Variants in WDR19 observed in about 807,000 individuals in gnomAD.
WDR19 encodes the protein WD repeat domain 19.
A neutral mutation model predicts 180.0 loss-of-function variants in WDR19; 121 were observed. That is an observed-to-expected ratio of 0.67 (90% CI 0.58 to 0.78). WDR19 has a LOEUF of 0.78. Ranked by LOEUF, WDR19 falls within the 30% of genes least tolerant of loss-of-function variation. The pLI, the probability that WDR19 is intolerant of heterozygous loss-of-function variation, is 0.00. For synonymous variants in WDR19, 497 were observed against 540.7 expected (o/e 0.92, Z 1.12); for missense variants, 1,450 against 1,640.7 (o/e 0.88, Z 2.01).
intron 4 of WDR19, among the ~76,000 whole-genome samples, chr4:39,193,201 G>A (rs557976602): frequency 3.5e-5 from 5 of 144,726 alleles, no homozygotes; most frequent in East Asian, 2.0e-4. Context: ...TCACTGTGTC[G>A]CCCAGGTTGG....
At chr4:39,268,146 C>T (rs1334747413) in intron 30 of WDR19, 55 bp downstream of exon 30, 2 of 1,466,924 alleles carry the variant, frequency 1.4e-6, no homozygotes, top group Non-Finnish European at 1.9e-6. Context: ...AATCAAGCCC[C>T]AGCCCCTTTT....
At chr4:39,236,236 G>A (rs1339656993) in intron 20 of WDR19, among the ~76,000 whole-genome samples, 2 of 152,032 alleles carry the variant, frequency 1.3e-5, no homozygotes, top group Admixed American at 6.6e-5. Flanking sequence ...ATCAACCTAA[G>A]TGTCCCATCA....
intron 1 of WDR19, among the ~76,000 whole-genome samples, chr4:39,183,760 G>A (rs775729618): frequency 1.1e-4 from 17 of 152,308 alleles, no homozygotes; most frequent in Non-Finnish European, 2.1e-4. Flanking sequence ...CTTACTTAAA[G>A]CCCTACAGCT....
In WDR19 at chr4:39,234,829, C is replaced by CAGAT; in HGVS notation, c.2319_2322dup (p.Pro775AspfsTer13). On this transcript the variant is annotated frameshift_variant, in exon 20 of 37. Transcript: ENST00000399820. LOFTEE classifies it high-confidence loss of function. ...ACTGGCAAAGCATTTGGCCCCAGACCAGATACCTTTTATATCAAAAGAATA... is the reference window on the plus strand; with the variant it reads ...ACTGGCAAAGCATTTGGCCCCAGACCAGATAGATACCTTTTATATCAAAAGAATA... The CAGAT allele has an allele frequency of 6.3e-7, 1 of 1,580,190 alleles. No homozygotes were observed. The highest frequency in any genetic ancestry group is 8.6e-7 in the Non-Finnish European group (1 of 1,161,848).
intron 9 of WDR19, among the ~76,000 whole-genome samples, chr4:39,212,151 A>G (rs1303837775): frequency 6.6e-6 from 1 of 152,232 alleles, no homozygotes; most frequent in African/African-American, 2.4e-5. Context: ...TCAATGGAAC[A>G]GAATAGAGAA....
chr4:39,256,941 A>AG (rs1256088091), intron 27 of WDR19, among the ~76,000 whole-genome samples: 1 of 152,302 alleles, frequency 6.6e-6, no homozygotes, highest in Non-Finnish European at 1.5e-5. Flanking sequence ...TTAAAAAAAA[A>AG]CACTAACAAT....
intron 36 of WDR19, among the ~76,000 whole-genome samples, chr4:39,281,230 T>TTGAGAG (rs1736483817): frequency 1.0e-5 from 1 of 97,126 alleles, no homozygotes; most frequent in Non-Finnish European, 2.0e-5. Flanking sequence ...TATATATATA[T>TTGAGAG]ATATATAGAG....
chr4:39,233,200 G>A (rs755665950), intron 19 of WDR19, among the ~76,000 whole-genome samples: 8 of 152,168 alleles, frequency 5.3e-5, no homozygotes, highest in Non-Finnish European at 8.8e-5. Flanking sequence ...AAGGACTAGT[G>A]TACCATCACT....
In WDR19 at chr4:39,240,787, TA is replaced by T. The variant is rs1162493689; in HGVS notation, c.2421+464del. ...CAATATGGTGAAACCCCATCTCTAC[TA>T]AAAAAAAAAATACAAAAATTAGCCA... On this transcript the variant is annotated intron_variant, in intron 21 of 36. Transcript: ENST00000399820. Among the ~76,000 whole-genome samples, 339 of 143,550 alleles carry T rather than the reference TA, an allele frequency of 2.4e-3. 1 individual carries two copies. The highest frequency in any genetic ancestry group is 6.6e-3 in the African/African-American group (259 of 39,306). The allele number at this position is 143,550 out of a possible 152,430, so 94.2% of individuals were successfully genotyped here.
At chr4:39,281,919 C>T (rs1736579212) in intron 36 of WDR19, among the ~76,000 whole-genome samples, 1 of 152,146 alleles carries the variant, frequency 6.6e-6, no homozygotes, top group African/African-American at 2.4e-5. Flanking sequence ...TTAGCTCCTA[C>T]AGGCAGTTTC....
intron 32 of WDR19, chr4:39,274,599 C>A: frequency 1.8e-6 from 1 of 563,794 alleles, no homozygotes; most frequent in Non-Finnish European, 3.1e-6. Context: ...AACATGGTGT[C>A]ATCAAAGGAA....
chr4:39,249,973 G>C (rs1193983955), intron 24 of WDR19, among the ~76,000 whole-genome samples: 2 of 152,162 alleles, frequency 1.3e-5, no homozygotes, highest in Non-Finnish European at 2.9e-5. Flanking sequence ...GAAAAAGAGA[G>C]AATCCTCCCT....
chr4:39,185,775 T>G lies in WDR19; in HGVS notation c.56T>G (p.Phe19Cys), dbSNP rs1247231925. The change falls in exon 2 of 37, where the codon TTT becomes TGT. Residue 19 changes from phenylalanine to cysteine, a missense_variant. Transcript: ENST00000399820. Reference protein sequence around the residue: ...EKTWLGAPIQFAWQKTSGNYL... With the variant: ...EKTWLGAPIQCAWQKTSGNYL... ...ACTTGGCTTGGCGCACCAATACAGT[T>G]TGCCTGGCAAAAAACATCAGGAAAC... The G allele has an allele frequency of 2.1e-5, 32 of 1,559,166 alleles. No homozygotes were observed. Among genetic ancestry groups the G allele is most frequent in the Non-Finnish European group, 2.4e-5 (28 of 1,150,502 alleles).
chr4:39,224,041 A>G (rs1341933862), intron 14 of WDR19, among the ~76,000 whole-genome samples: 2 of 152,188 alleles, frequency 1.3e-5, no homozygotes, highest in Admixed American at 6.5e-5. Flanking sequence ...TTTTCAGCAT[A>G]CAAGTCCTGG....
chr4:39,195,852 G>T (rs1469675266), intron 5 of WDR19, among the ~76,000 whole-genome samples: 5 of 152,054 alleles, frequency 3.3e-5, no homozygotes, highest in Non-Finnish European at 1.5e-5. Context: ...TTAATTTTGG[G>T]TGCTATAGCT....
intron 24 of WDR19, among the ~76,000 whole-genome samples, chr4:39,249,135 A>C (rs1247678764): frequency 1.1e-4 from 17 of 152,118 alleles, no homozygotes; most frequent in Admixed American, 7.9e-4. Flanking sequence ...AGAAATTATA[A>C]CAAACTGTCT....
rs567839628 is a variant in WDR19, at chr4:39,245,445, G to C, written c.2722G>C (p.Asp908His). 1.9e-6 allele frequency: 3 copies of C among 1,613,454 alleles called. No individual in the cohort carries two copies. In the African/African-American group the frequency reaches 4.0e-5, roughly 21 times the overall value. ...GCAGTATGCCAAAGCCAAGGAAGCA[G>C]ATGGAAGGTTTGTACACTTTCTCAA... ...HLQYAKAKEA[D>H]GRYKEAVVAY... Residue 908 changes from aspartate (D) to histidine (H), a missense_variant, in exon 24 of 37, where the codon GAT becomes CAT. Physicochemically the swap from Asp to His is moderately conservative, Grantham distance 81. Coordinates refer to ENST00000399820, the MANE Select transcript of WDR19 (RefSeq NM_025132.4).
chr4:39,271,258 T>G (rs1232550246), intron 31 of WDR19, among the ~76,000 whole-genome samples: 1 of 152,240 alleles, frequency 6.6e-6, no homozygotes. Flanking sequence ...CAATTGTTAA[T>G]AGTGTTGTAT....
chr4:39,250,934 G>C (rs554336355), intron 24 of WDR19, among the ~76,000 whole-genome samples: 23 of 152,242 alleles, frequency 1.5e-4, no homozygotes, highest in African/African-American at 2.6e-4. Flanking sequence ...CCATACTGCC[G>C]AAGGTAATTT....
Sources: allele counts gnomAD v4.1 joint callset (sites outside exome capture counted in the v4.1 genomes callset), GRCh38; gene constraint gnomAD v4.1.1; transcripts MANE v1.5; gene names NCBI Gene and HGNC (gene_info 2026-07-23, HGNC 2026-07-21).